Variants in TERF2 observed in about 807,000 individuals in gnomAD.
TERF2 encodes telomeric repeat binding factor 2, also known as telomeric repeat-binding factor 2.
A neutral mutation model predicts 56.1 loss-of-function variants in TERF2; 16 were observed. The ratio of observed to expected loss-of-function variants is 0.29; its 90% CI spans 0.19 to 0.43. The LOEUF (loss-of-function observed/expected upper bound fraction) is 0.43. TERF2 is among the 20% of genes least tolerant of loss of function. The pLI is 1.00. For missense variants in TERF2, 547 were observed against 712.9 expected (o/e 0.77, Z 2.65); for synonymous variants, 296 against 282.1 (o/e 1.05, Z -0.50).
rs201858212 is a variant in TERF2 at position 69,385,405 on chromosome 16, T to A, written c.461A>T (p.Glu154Val). Reference protein sequence around the residue: ...RVMQCLSRIEEGENLDCSFDM... With the variant: ...RVMQCLSRIEVGENLDCSFDM... ...AATAGCCATACCTAAATTTTCCCCT[T>A]CTTCAATCCGCGACAGACACTGCAT... Residue 154 changes from glutamate (E) to valine (V), a missense_variant, in exon 2 of 10, where the codon GAA becomes GTA. Transcript: ENST00000254942. 6.2e-7 allele frequency: 1 copy of A among 1,614,012 alleles called. No homozygotes were observed.
chr16:69,375,866 T>TA (rs1490011609), intron 3 of TERF2, among the ~76,000 whole-genome samples: 1 of 152,184 alleles, frequency 6.6e-6, no homozygotes, highest in African/African-American at 2.4e-5. Context: ...AATTTTTTTT[T>TA]ACCATCTACA....
Position 69,370,640 on chromosome 16 carries a change from G to C in TERF2, c.694-11C>G, listed in dbSNP as rs769479555. 1.0e-5 allele frequency: 16 copies of C among 1,593,994 alleles called. No individual in the cohort carries two copies. In the African/African-American group the frequency reaches 1.5e-4, roughly 15 times the overall value. On this transcript the variant is annotated splice_polypyrimidine_tract_variant and intron_variant, in intron 4 of 9. Coordinates refer to ENST00000254942, the MANE Select transcript of TERF2 (RefSeq NM_005652.5). The stretch of plus-strand genomic sequence containing the variant: ...ATCATTTCTCAGCTTCTACACAATG[G>C]ACCGATATTTGCAACATGAGAAAGT...
At chr16:69,375,102 C>G (rs1301602046) in intron 3 of TERF2, among the ~76,000 whole-genome samples, 1 of 152,040 alleles carries the variant, frequency 6.6e-6, no homozygotes, top group African/African-American at 2.4e-5. Flanking sequence ...TTCACTTTTT[C>G]TTGTTGTTGG....
chr16:69,381,001 C>T (rs916271954), intron 3 of TERF2, among the ~76,000 whole-genome samples: 1 of 151,938 alleles, frequency 6.6e-6, no homozygotes, highest in Non-Finnish European at 1.5e-5. Context: ...GACGAGGTTT[C>T]ACTATGTTGG....
intron 3 of TERF2, among the ~76,000 whole-genome samples, chr16:69,377,202 CAAAAAAAAA>C (rs556264748): frequency 1.0e-5 from 1 of 95,322 alleles, no homozygotes; most frequent in Non-Finnish European, 2.2e-5. Context: ...GACTCCATCT[CAAAAAAAAA>C]AAAAAGAAAA....
intron 7 of TERF2, among the ~76,000 whole-genome samples, chr16:69,362,707 T>C (rs1278356273): frequency 6.6e-6 from 1 of 152,176 alleles, no homozygotes; most frequent in Non-Finnish European, 1.5e-5. Context: ...TCTAATCAAC[T>C]TTGCATTTAC....
At chr16:69,372,552 C>T (rs1327306725) in intron 3 of TERF2, among the ~76,000 whole-genome samples, 197 bp from the exon 4 acceptor site, 1 of 152,060 alleles carries the variant, frequency 6.6e-6, no homozygotes, top group African/African-American at 2.4e-5. Context: ...CACCTGACGT[C>T]GGGAGTTCGA....
At position 69,367,008 on chromosome 16, in the gene TERF2, C is replaced by T. The variant is rs777331938; in HGVS notation, c.1139G>A (p.Ser380Asn). Residue 380 changes from serine to asparagine, a missense_variant, in exon 7 of 10, where the codon AGT (serine) becomes AAT (asparagine). Physicochemically the swap from Ser to Asn is conservative, Grantham distance 46. Around this residue, in one of 6 missense-constraint regions of TERF2, gnomAD observed 211 missense variants for 236.8 expected, o/e 0.89. Coordinates refer to ENST00000254942, the MANE Select transcript of TERF2 (RefSeq NM_005652.5). ...ACCCTCACCGTCAGCCGGGGCTGAACTTTCGTTTTCATCTTTTCTGGGTCT... is the reference window on the plus strand; with the variant it reads ...ACCCTCACCGTCAGCCGGGGCTGAATTTTCGTTTTCATCTTTTCTGGGTCT... Reference protein sequence around the residue: ...NKRPRKDENESSAPADGEGGS... With the variant: ...NKRPRKDENENSAPADGEGGS... The T allele has an allele frequency of 3.7e-6, 6 of 1,614,208 alleles. No homozygotes were observed. The Admixed American group carries it at 6.7e-5, about 18-fold the overall frequency.
At chr16:69,373,666 T>TC (rs937531531) in intron 3 of TERF2, among the ~76,000 whole-genome samples, 8 of 151,902 alleles carry the variant, frequency 5.3e-5, no homozygotes, top group African/African-American at 1.9e-4. Context: ...ACCCTGTCTC[T>TC]CCCCCAAAAA....
chr16:69,384,389 G>A (rs534147650), intron 3 of TERF2, among the ~76,000 whole-genome samples, 191 bp downstream of exon 3: 7 of 152,236 alleles, frequency 4.6e-5, no homozygotes, highest in African/African-American at 1.4e-4. Context: ...CTGAGCAACT[G>A]CCATTACTTC....
At chr16:69,368,799 C>A (rs1430112244) in intron 5 of TERF2, among the ~76,000 whole-genome samples, 1 of 152,138 alleles carries the variant, frequency 6.6e-6, no homozygotes, top group African/African-American at 2.4e-5. Flanking sequence ...ATCTCGGCCT[C>A]CCAAGTAGCT....
In TERF2 at chr16:69,356,334, T is replaced by G; in HGVS notation, c.*564A>C. ...GCAAACCACTAAAGAAGGGAAACGCTAATGATATTCTGGCACTGCACAAGC... is the reference window on the plus strand; with the variant it reads ...GCAAACCACTAAAGAAGGGAAACGCGAATGATATTCTGGCACTGCACAAGC... On this transcript the variant is annotated 3_prime_UTR_variant, in exon 10 of 10. Coordinates refer to ENST00000254942, the MANE Select transcript of TERF2 (RefSeq NM_005652.5). 1 of 382,176 alleles carries G rather than the reference T, an allele frequency of 2.6e-6. No individual in the cohort carries two copies. The highest frequency in any genetic ancestry group is 3.4e-5 in the Admixed American group (1 of 29,628). The allele number at this position is 382,176 out of a possible 1,614,324, so 23.7% of individuals were successfully genotyped here.
intron 5 of TERF2, 146 bp from the exon 6 acceptor site, chr16:69,368,628 A>T (rs1255000291): frequency 4.6e-6 from 7 of 1,531,120 alleles, no homozygotes; most frequent in Non-Finnish European, 6.1e-6. Flanking sequence ...AAAATGGGAG[A>T]GAACTTGTAA....
At chr16:69,373,408 A>C (rs181074676) in intron 3 of TERF2, among the ~76,000 whole-genome samples, 2 of 152,308 alleles carry the variant, frequency 1.3e-5, no homozygotes, top group East Asian at 3.9e-4. Context: ...ATATATGAAC[A>C]TTTTTAAAAA....
intron 4 of TERF2, among the ~76,000 whole-genome samples, chr16:69,371,819 AAAAT>A (rs1394542514): frequency 6.6e-6 from 1 of 152,138 alleles, no homozygotes; most frequent in Non-Finnish European, 1.5e-5. Flanking sequence ...TGCCTCAAAA[AAAAT>A]AAATAAACAA....
chr16:69,360,423 G>C (rs1281020344), intron 8 of TERF2, among the ~76,000 whole-genome samples: 1 of 151,822 alleles, frequency 6.6e-6, no homozygotes, highest in Non-Finnish European at 1.5e-5. Flanking sequence ...TTTTGGTAGG[G>C]TATGGTATGG....
rs2014180886 is a variant in TERF2, at chr16:69,385,796, C to T, written c.176G>A (p.Arg59Lys). 7.7e-7 allele frequency: 1 copy of T among 1,295,424 alleles called. No homozygotes were observed. The highest frequency in any genetic ancestry group is 3.3e-5 in the East Asian group (1 of 30,690). 80.2% of individuals were successfully genotyped at this position (1,295,424 alleles called of 1,614,324 possible). ...CCGCCCGCTACTGCGGGACGCCCGCCTGCCAGCTGCCCGCCCGCTGCCGTC... is the reference window on the plus strand; with the variant it reads ...CCGCCCGCTACTGCGGGACGCCCGCTTGCCAGCTGCCCGCCCGCTGCCGTC... ...SSDGSGRAAG[R>K]RASRSSGRAR... The change falls in exon 1 of 10, where the codon AGG becomes AAG. Residue 59 changes from arginine (R) to lysine (K), a missense_variant. Arg to Lys is a conservative substitution (Grantham distance 26). Around this residue, in one of 6 missense-constraint regions of TERF2, gnomAD observed 120 missense variants for 172.4 expected, o/e 0.70. Coordinates refer to ENST00000254942, the MANE Select transcript of TERF2 (RefSeq NM_005652.5).
chr16:69,370,599 G>A lies in TERF2; in HGVS notation c.724C>T (p.Arg242Ter), dbSNP rs771872522. The A allele has an allele frequency of 1.2e-6, 2 of 1,613,436 alleles. No homozygotes were observed. The highest frequency in any genetic ancestry group is 1.7e-6 in the Non-Finnish European group (2 of 1,179,834). Residue 242 changes from arginine to a stop codon, truncating the protein, a stop_gained, in exon 5 of 10, where the codon CGA becomes TGA. Transcript: ENST00000254942. LOFTEE classifies it high-confidence loss of function. ...ACAGGATGGGCCAAGTTCTTTTCTC[G>A]AATAATATTCAGGAGATCATTTCTC... ...KLRNDLLNII[R>*]EKNLAHPVIQ... is the part of the protein sequence containing the mutation.
At chr16:69,368,693 T>A (rs1247075572) in intron 5 of TERF2, 2 of 1,276,880 alleles carry the variant, frequency 1.6e-6, no homozygotes, top group African/African-American at 3.0e-5. Flanking sequence ...TACATTTTTT[T>A]TGAGAGGGAG....
Sources: gnomAD v4.1 joint callset for allele counts (sites outside exome capture counted in the v4.1 genomes callset) on GRCh38, gnomAD v4.1.1 for gene constraint, gnomAD v4.1.1 regional missense constraint, MANE v1.5 for transcripts, NCBI Gene and HGNC (gene_info 2026-07-23, HGNC 2026-07-21) for gene names.